The following ELMOD2 variants were observed in gnomAD, a reference collection of about 807,000 sequenced individuals.
ELMOD2 encodes the protein ELMO domain containing 2, also known as ELMO domain-containing protein 2.
Under a neutral mutation model 41.0 loss-of-function variants are expected in ELMOD2, and 28 were observed. The ratio of observed to expected loss-of-function variants is 0.68; its 90% CI spans 0.51 to 0.94. The LOEUF is 0.94. ELMOD2 is among the 40% of genes least tolerant of loss of function. The probability of loss-of-function intolerance (pLI) is 0.00; values close to 1 mark genes in which losing one functional copy is unlikely to be tolerated. For synonymous variants in ELMOD2, 106 were observed against 107.2 expected, an observed-to-expected ratio of 0.99 and a Z score of 0.07; for missense variants, 333 against 343.1, an observed-to-expected ratio of 0.97 and a Z score of 0.23.
At chr4:140,545,655 C>T (rs1039493821) in intron 8 of ELMOD2, among the ~76,000 whole-genome samples, 2 of 152,094 alleles carry the variant, frequency 1.3e-5, no homozygotes, top group African/African-American at 4.8e-5. Context: ...TTCTAGCAGG[C>T]GTGAGATGCT....
chr4:140,544,733 A>G (rs1030173676), intron 8 of ELMOD2, among the ~76,000 whole-genome samples: 6 of 151,566 alleles, frequency 4.0e-5, no homozygotes, highest in African/African-American at 1.5e-4. Flanking sequence ...CTCTCTCTTG[A>G]CTCTGTGCCT....
At chr4:140,538,988 A>G (rs1284645252) in intron 5 of ELMOD2, among the ~76,000 whole-genome samples, 1 of 152,212 alleles carries the variant, frequency 6.6e-6, no homozygotes, top group Non-Finnish European at 1.5e-5. Context: ...TGCAGAATTC[A>G]TGGAGAGAGG....
In ELMOD2 at chr4:140,551,909, A is replaced by G. The variant is rs534209943; in HGVS notation, c.*1534A>G. 6.6e-6 allele frequency: 1 copy of G among 152,236 alleles called. No homozygotes were observed. The highest frequency in any genetic ancestry group is 2.4e-5 in the African/African-American group (1 of 41,588). The allele number at this position is 152,236 out of a possible 1,614,324, so 9.4% of individuals were successfully genotyped here. A position where few individuals can be genotyped will look rare whatever the true frequency, so the allele number is the denominator to read the frequency against. ...GCGTTAAAATTAGTTTCTCAATAAG[A>G]TAAAATTATTTTAAAAATTTGGTTC... is the stretch of plus-strand genomic sequence containing the variant. On this transcript the variant is annotated 3_prime_UTR_variant, in exon 9 of 9. Transcript: ENST00000323570.
At chr4:140,532,671 A>G (rs542221441) in intron 3 of ELMOD2, among the ~76,000 whole-genome samples, 1 of 152,212 alleles carries the variant, frequency 6.6e-6, no homozygotes, top group African/African-American at 2.4e-5. Flanking sequence ...AACATGATAC[A>G]TAACACTGAA....
At chr4:140,540,621 G>C (rs1735075842) in intron 6 of ELMOD2, among the ~76,000 whole-genome samples, 1 of 151,874 alleles carries the variant, frequency 6.6e-6, no homozygotes, top group African/African-American at 2.4e-5. Context: ...GGTGGCATTT[G>C]CCTGTAGTCC....
intron 3 of ELMOD2, among the ~76,000 whole-genome samples, chr4:140,535,078 A>G (rs551354410): frequency 1.3e-5 from 2 of 149,222 alleles, no homozygotes; most frequent in East Asian, 4.0e-4. Flanking sequence ...GATTGTTATT[A>G]ATAGATCTTT....
chr4:140,540,587 C>G (rs1217881417), intron 6 of ELMOD2, among the ~76,000 whole-genome samples: 1 of 151,984 alleles, frequency 6.6e-6, no homozygotes, highest in African/African-American at 2.4e-5. Flanking sequence ...GACCCTGTCT[C>G]TACAAAAATA....
At position 140,551,215 on chromosome 4, in the gene ELMOD2, A is replaced by G. The variant is rs1735464119; in HGVS notation, c.*840A>G. On this transcript the variant is annotated 3_prime_UTR_variant, in exon 9 of 9. Coordinates refer to ENST00000323570, the MANE Select transcript of ELMOD2 (RefSeq NM_153702.4). Reference sequence around the variant, plus strand: ...ACGAAAAGAGATGTATTTGCCAAGAAAATCTTGATTATATAAAAGACAAAA... The same window carrying G: ...ACGAAAAGAGATGTATTTGCCAAGAGAATCTTGATTATATAAAAGACAAAA... 1 of 152,110 alleles carries G rather than the reference A, an allele frequency of 6.6e-6. No homozygotes were observed. The highest frequency in any genetic ancestry group is 6.6e-5 in the Admixed American group (1 of 15,254). The allele number at this position is 152,110 out of a possible 1,614,324, so 9.4% of individuals were successfully genotyped here.
At chr4:140,537,674 T>G in intron 5 of ELMOD2, 133 bp downstream of exon 5, 1 of 1,017,844 alleles carries the variant, frequency 9.8e-7, no homozygotes, top group South Asian at 1.9e-5. Context: ...TTAGAGAATT[T>G]TATTATGCTG....
chr4:140,550,080 C>A, intron 8 of ELMOD2, 150 bp from the exon 9 acceptor site: 2 of 636,056 alleles, frequency 3.1e-6, no homozygotes, highest in Non-Finnish European at 5.3e-6. Context: ...CTTATTAAGT[C>A]CCTCAGGCTT....
chr4:140,536,982 A>C (rs1222193945), intron 4 of ELMOD2, among the ~76,000 whole-genome samples: 1 of 152,190 alleles, frequency 6.6e-6, no homozygotes, highest in African/African-American at 2.4e-5. Context: ...CGATGTCATT[A>C]ATAGATCTAG....
intron 3 of ELMOD2, among the ~76,000 whole-genome samples, chr4:140,535,031 C>G (rs569312875): frequency 6.6e-6 from 1 of 152,214 alleles, no homozygotes; most frequent in African/African-American, 2.4e-5. Flanking sequence ...CAGGATTGGA[C>G]AAGCTAGACT....
At chr4:140,546,019 A>G (rs183653838) in intron 8 of ELMOD2, among the ~76,000 whole-genome samples, 1 of 146,944 alleles carries the variant, frequency 6.8e-6, no homozygotes, top group Non-Finnish European at 1.5e-5. Flanking sequence ...TCATGCTTCT[A>G]TAAAGACACA....
intron 5 of ELMOD2, among the ~76,000 whole-genome samples, chr4:140,538,405 C>A (rs1298125995): frequency 6.6e-6 from 1 of 151,896 alleles, no homozygotes; most frequent in African/African-American, 2.4e-5. Context: ...TAACACTAAG[C>A]GATACAAGTT....
chr4:140,530,367 T>C (rs1344982658), intron 3 of ELMOD2, among the ~76,000 whole-genome samples: 5 of 152,184 alleles, frequency 3.3e-5, no homozygotes. Flanking sequence ...AACCAGGGTC[T>C]TTGGGATATT....
At chr4:140,535,645 A>G (rs1335042217) in intron 3 of ELMOD2, 88 bp from the exon 4 acceptor site, 2 of 1,234,288 alleles carry the variant, frequency 1.6e-6, no homozygotes, top group South Asian at 1.4e-5. Flanking sequence ...TTTAATATCT[A>G]CTTTGTAAGG....
intron 4 of ELMOD2, among the ~76,000 whole-genome samples, chr4:140,537,117 C>A (rs1187274099): frequency 6.6e-6 from 1 of 152,030 alleles, no homozygotes; most frequent in Non-Finnish European, 1.5e-5. Context: ...TGATATCTGG[C>A]AATAAAGATT....
intron 8 of ELMOD2, among the ~76,000 whole-genome samples, chr4:140,544,386 T>C (rs778082806): frequency 3.9e-5 from 6 of 152,166 alleles, no homozygotes; most frequent in Non-Finnish European, 8.8e-5. Flanking sequence ...CTTAACTTTC[T>C]CTTGCATGTG....
chr4:140,546,250 A>ACC (rs1735276069), intron 8 of ELMOD2, among the ~76,000 whole-genome samples: 2 of 151,810 alleles, frequency 1.3e-5, no homozygotes, highest in Non-Finnish European at 2.9e-5. Flanking sequence ...AAAACCAAAC[A>ACC]TTGCATGTTA....
Sources: allele counts gnomAD v4.1 joint callset (sites outside exome capture counted in the v4.1 genomes callset), GRCh38; gene constraint gnomAD v4.1.1; transcripts MANE v1.5; gene names NCBI Gene and HGNC (gene_info 2026-07-23, HGNC 2026-07-21).